Variants in SH3BGRL2 observed in about 807,000 individuals in gnomAD.
SH3BGRL2 encodes the protein SH3 domain binding glutamate rich protein like 2, also known as SH3 domain-binding glutamic acid-rich-like protein 2.
In SH3BGRL2, 21 loss-of-function variants were observed where a neutral mutation model predicts 14.8. The ratio of observed to expected loss-of-function variants is 1.42; its 90% CI spans 1.01 to 2.05. The LOEUF is 2.05. Ranked by LOEUF, SH3BGRL2 falls within the 30% of genes most tolerant of loss-of-function variation. The probability of loss-of-function intolerance (pLI) is 0.00; values close to 1 mark genes in which losing one functional copy is unlikely to be tolerated. For missense variants in SH3BGRL2, 147 were observed against 130.8 expected, an observed-to-expected ratio of 1.12 and a Z score of -0.61; for synonymous variants, 50 against 47.8, an observed-to-expected ratio of 1.05 and a Z score of -0.19.
chr6:79,632,038 G>C (rs532346276), intron 1 of SH3BGRL2, among the ~76,000 whole-genome samples: 1 of 152,244 alleles, frequency 6.6e-6, no homozygotes, highest in Non-Finnish European at 1.5e-5. Flanking sequence ...GTAAAACTAG[G>C]TTTGTCCTGT....
the SH3BGRL2 span, among the ~76,000 whole-genome samples, chr6:79,582,786 G>T: frequency 6.6e-6 from 1 of 152,070 alleles, no homozygotes; most frequent in Admixed American, 6.6e-5. Flanking sequence ...TAGACAAATG[G>T]GATCTAATTA....
chr6:79,598,823 G>A, the SH3BGRL2 span, among the ~76,000 whole-genome samples: 1 of 151,202 alleles, frequency 6.6e-6, no homozygotes, highest in Non-Finnish European at 1.5e-5. Context: ...TGGCTCATGC[G>A]TGTAATCCCA....
intron 1 of SH3BGRL2, among the ~76,000 whole-genome samples, chr6:79,641,870 G>A (rs535430340): frequency 8.5e-5 from 13 of 152,272 alleles, no homozygotes; most frequent in Admixed American, 7.2e-4. Flanking sequence ...TTTTAGGAGA[G>A]ATTTTAGTAA....
At position 79,702,338 on chromosome 6, in the gene SH3BGRL2, T is replaced by C. The variant is rs1197747491; in HGVS notation, c.*2829T>C. ...TTTGATTTTACTATAGGGGTTTTGC[T>C]TTTTCTAGAGATACTTTTCATTTAA... On this transcript the variant is annotated 3_prime_UTR_variant, in exon 4 of 4. Transcript: ENST00000369838. 1 of 152,646 alleles carries C rather than the reference T, an allele frequency of 6.6e-6. No homozygotes were observed. The highest frequency in any genetic ancestry group is 1.5e-5 in the Non-Finnish European group (1 of 68,036). The allele number at this position is 152,646 out of a possible 1,614,324, so 9.5% of individuals were successfully genotyped here.
At chr6:79,681,479 G>T (rs546960797) in intron 2 of SH3BGRL2, among the ~76,000 whole-genome samples, 1 of 152,290 alleles carries the variant, frequency 6.6e-6, no homozygotes, top group South Asian at 2.1e-4. Context: ...ATTGAGGCCT[G>T]AAAGTAGGCT....
In SH3BGRL2 at chr6:79,676,629, GTGTGTGTGTGTATATATA is replaced by G. The variant is rs1363067305; in HGVS notation, c.231+2832_231+2849del. Among the ~76,000 whole-genome samples, 332 of 130,248 alleles carry G rather than the reference GTGTGTGTGTGTATATATA, an allele frequency of 2.5e-3. 2 individuals carry two copies. The highest frequency in any genetic ancestry group is 4.6e-3 in the Non-Finnish European group (271 of 58,294). 85.4% of individuals were successfully genotyped at this position (130,248 alleles called of 152,430 possible). ...TATGTGTGTGTGTGTGTGTGTGTGT[GTGTGTGTGTGTATATATA>G]TATAATCTTTTTTGAAAATCTTTGT... On this transcript the variant is annotated intron_variant, in intron 2 of 3. Coordinates refer to ENST00000369838, the MANE Select transcript of SH3BGRL2 (RefSeq NM_031469.4).
At chr6:79,664,770 G>A (rs183449062) in intron 1 of SH3BGRL2, among the ~76,000 whole-genome samples, 10 of 152,160 alleles carry the variant, frequency 6.6e-5, no homozygotes, top group African/African-American at 1.4e-4. Flanking sequence ...ATGGAAAGAC[G>A]GAAAGATGTT....
the SH3BGRL2 span, among the ~76,000 whole-genome samples, chr6:79,576,696 G>C: frequency 6.6e-6 from 1 of 152,080 alleles, no homozygotes; most frequent in Non-Finnish European, 1.5e-5. Flanking sequence ...ACGTCGATAA[G>C]TTTTAAAAAA....
Position 79,697,310 on chromosome 6 carries a change from G to GC in SH3BGRL2, c.312+746dup, listed in dbSNP as rs1770351952. Among the ~76,000 whole-genome samples the GC allele has an allele frequency of 2.0e-5, 3 of 152,130 alleles. No individual in the cohort carries two copies. The East Asian group carries it at 5.8e-4, about 29-fold the overall frequency. On this transcript the variant is annotated intron_variant, in intron 3 of 3. Coordinates refer to ENST00000369838, the MANE Select transcript of SH3BGRL2 (RefSeq NM_031469.4). ...CAAAGAACTAAAATCACCACCCAGAGCTAACCACATTGACATTTTTTGTGT... is the reference window on the plus strand; with the variant it reads ...CAAAGAACTAAAATCACCACCCAGAGCCTAACCACATTGACATTTTTTGTGT...
the SH3BGRL2 span, among the ~76,000 whole-genome samples, chr6:79,547,908 C>T: frequency 6.6e-6 from 1 of 152,140 alleles, no homozygotes; most frequent in Non-Finnish European, 1.5e-5. Flanking sequence ...CCCTGTTGCC[C>T]AGGCTGGAGT....
At chr6:79,589,904 C>T in the SH3BGRL2 span, among the ~76,000 whole-genome samples, 118,229 of 151,922 alleles carry the variant, frequency 0.78, 46,286 homozygotes, top group East Asian at 0.98. Flanking sequence ...TCCAAGTGGC[C>T]GTGACTACAG....
the SH3BGRL2 span, among the ~76,000 whole-genome samples, chr6:79,549,487 C>T: frequency 6.6e-6 from 1 of 152,092 alleles, no homozygotes; most frequent in Non-Finnish European, 1.5e-5. Flanking sequence ...TATTTTTACT[C>T]TACGTGTTCT....
In SH3BGRL2 at chr6:79,698,230, C is replaced by T. The variant is rs112578937; in HGVS notation, c.313-1268C>T. 9.3e-3 allele frequency among the ~76,000 whole-genome samples: 1,423 copies of T among 152,290 alleles called. 21 individuals carry two copies. Among genetic ancestry groups the T allele is most frequent in the African/African-American group, 0.033 (1,370 of 41,566 alleles). Reference sequence around the variant, plus strand: ...AAGGTCTGTGCCACTCTCCATGAACCATTTAGGGCTTTAAAAGCTAATAGT... The same window carrying T: ...AAGGTCTGTGCCACTCTCCATGAACTATTTAGGGCTTTAAAAGCTAATAGT... On this transcript the variant is annotated intron_variant, in intron 3 of 3. Coordinates refer to ENST00000369838, the MANE Select transcript of SH3BGRL2 (RefSeq NM_031469.4).
the SH3BGRL2 span, among the ~76,000 whole-genome samples, chr6:79,616,027 G>C: frequency 6.6e-6 from 1 of 151,822 alleles, no homozygotes; most frequent in Non-Finnish European, 1.5e-5. Flanking sequence ...TGTTGGTCAG[G>C]CTGGTCTCAA....
chr6:79,551,554 G>A, the SH3BGRL2 span, among the ~76,000 whole-genome samples: 1 of 152,146 alleles, frequency 6.6e-6, no homozygotes, highest in Non-Finnish European at 1.5e-5. Context: ...CTGCAGGCTA[G>A]GAGATATGCC....
intron 2 of SH3BGRL2, among the ~76,000 whole-genome samples, 192 bp downstream of exon 2, chr6:79,673,991 G>A (rs1769831319): frequency 6.6e-6 from 1 of 152,074 alleles, no homozygotes; most frequent in Admixed American, 6.6e-5. Context: ...ATGTATGTGC[G>A]AGGGTTGTGT....
At chr6:79,584,548 C>G in the SH3BGRL2 span, among the ~76,000 whole-genome samples, 34,785 of 152,012 alleles carry the variant, frequency 0.23, 4,193 homozygotes, top group Middle Eastern at 0.46. Flanking sequence ...ACCAGCACCC[C>G]CTGGGAAAAT....
chr6:79,620,087 C>A, the SH3BGRL2 span, among the ~76,000 whole-genome samples: 1 of 152,070 alleles, frequency 6.6e-6, no homozygotes, highest in African/African-American at 2.4e-5. Context: ...CACATATTCT[C>A]CAGTTGTTGT....
At chr6:79,610,024 C>T in the SH3BGRL2 span, among the ~76,000 whole-genome samples, 2 of 152,134 alleles carry the variant, frequency 1.3e-5, no homozygotes, top group Non-Finnish European at 1.5e-5. Context: ...TAGAGATATG[C>T]TGCTTGAGAT....
Sources: gnomAD v4.1 joint callset for allele counts (sites outside exome capture counted in the v4.1 genomes callset) on GRCh38, gnomAD v4.1.1 for gene constraint, MANE v1.5 for transcripts, NCBI Gene and HGNC (gene_info 2026-07-23, HGNC 2026-07-21) for gene names.